Variants in BMP7 observed in about 807,000 individuals in gnomAD.
BMP7 encodes the protein osteogenic protein 1.
A neutral mutation model predicts 41.2 loss-of-function variants in BMP7; 12 were observed. The observed-to-expected ratio is 0.29, with a 90% CI of 0.19 to 0.47. The LOEUF (loss-of-function observed/expected upper bound fraction) is 0.47, where lower values mean the gene tolerates loss of function less well. BMP7 is among the 20% of genes least tolerant of loss of function. The pLI, the probability that BMP7 is intolerant of heterozygous loss-of-function variation, is 0.99. For synonymous variants in BMP7, 248 were observed against 250.0 expected (o/e 0.99, Z 0.07); for missense variants, 467 against 606.0 (o/e 0.77, Z 2.41).
rs1983812270 is a variant in BMP7, at chr20:57,171,361, C to A, written c.1147-253G>T. 6.6e-6 allele frequency among the ~76,000 whole-genome samples: 1 copy of A among 152,170 alleles called. No individual in the cohort carries two copies. The highest frequency in any genetic ancestry group is 6.5e-5 in the Admixed American group (1 of 15,276). On this transcript the variant is annotated intron_variant, in intron 6 of 6. Coordinates refer to ENST00000395863, the MANE Select transcript of BMP7 (RefSeq NM_001719.3). This position sits in a 1 kb window ranked among gnomAD's most constrained non-coding sequence, Gnocchi z 4.5. ...ACAGTGGGGAAGGAAGGGGCCAGATCCGACATTCAGGACCAGGTAATTCTC... is the reference window on the plus strand; with the variant it reads ...ACAGTGGGGAAGGAAGGGGCCAGATACGACATTCAGGACCAGGTAATTCTC...
intron 3 of BMP7, among the ~76,000 whole-genome samples, chr20:57,185,873 T>C (rs1390357589): frequency 2.7e-5 from 4 of 150,818 alleles, no homozygotes; most frequent in Admixed American, 2.0e-4. Context: ...CCCTAAGTAC[T>C]CAATAAATGC....
At chr20:57,186,339 TAGAG>T (rs1162267797) in intron 3 of BMP7, among the ~76,000 whole-genome samples, 7 of 151,968 alleles carry the variant, frequency 4.6e-5, no homozygotes, top group Non-Finnish European at 4.4e-5. Flanking sequence ...GGGAGGAAAA[TAGAG>T]GGAGCAAACT....
intron 1 of BMP7, among the ~76,000 whole-genome samples, chr20:57,251,046 TG>T (rs2066110848): frequency 6.6e-6 from 1 of 152,002 alleles, no homozygotes; most frequent in Non-Finnish European, 1.5e-5. Context: ...CCCACCACGG[TG>T]GGTAACAGAG....
At chr20:57,231,898 C>T (rs931644094) in intron 1 of BMP7, among the ~76,000 whole-genome samples, 3 of 152,192 alleles carry the variant, frequency 2.0e-5, no homozygotes, top group African/African-American at 7.2e-5. Context: ...CTGAAGAGCC[C>T]GGAAGTACAA....
At chr20:57,189,401 C>T (rs540260049) in intron 3 of BMP7, among the ~76,000 whole-genome samples, 1 of 152,300 alleles carries the variant, frequency 6.6e-6, no homozygotes, top group African/African-American at 2.4e-5. Flanking sequence ...AATGTGGGGC[C>T]TCTTGTTCAA....
chr20:57,226,419 A>T (rs751763600), intron 2 of BMP7, among the ~76,000 whole-genome samples: 17 of 152,226 alleles, frequency 1.1e-4, no homozygotes, highest in Non-Finnish European at 2.4e-4. Context: ...TTCTATCTCT[A>T]GAACTTTATC....
intron 3 of BMP7, among the ~76,000 whole-genome samples, chr20:57,198,511 G>A (rs1475788253): frequency 6.6e-6 from 1 of 152,214 alleles, no homozygotes; most frequent in Non-Finnish European, 1.5e-5. Context: ...CTGATGAGCT[G>A]CAGGTGCCTG....
intron 3 of BMP7, among the ~76,000 whole-genome samples, chr20:57,189,730 T>C (rs1157819375): frequency 6.6e-6 from 1 of 152,252 alleles, no homozygotes; most frequent in Non-Finnish European, 1.5e-5. Flanking sequence ...GTAGGTTCTG[T>C]GTCCCAGGCT....
rs1294029463 is a variant in BMP7 at position 57,215,109 on chromosome 20, C to T, written c.612-12486G>A. On this transcript the variant is annotated intron_variant, in intron 2 of 6. Coordinates refer to ENST00000395863, the MANE Select transcript of BMP7 (RefSeq NM_001719.3). This position sits in a 1 kb window ranked among gnomAD's most constrained non-coding sequence, Gnocchi z 4.2. Reference sequence around the variant, plus strand: ...CTCTATGTCCCACTGGGCACCCACACTCCCAGGCCATGGGCACCCAGCTGC... The same window carrying T: ...CTCTATGTCCCACTGGGCACCCACATTCCCAGGCCATGGGCACCCAGCTGC... Among the ~76,000 whole-genome samples, 1 of 152,268 alleles carries T rather than the reference C, an allele frequency of 6.6e-6. No homozygotes were observed. The highest frequency in any genetic ancestry group is 2.4e-5 in the African/African-American group (1 of 41,474).
intron 2 of BMP7, among the ~76,000 whole-genome samples, chr20:57,220,444 CA>C (rs1340774118): frequency 6.6e-6 from 1 of 152,212 alleles, no homozygotes; most frequent in Admixed American, 6.5e-5. Context: ...AAAGCAATTA[CA>C]GATCCTGATT....
intron 6 of BMP7, chr20:57,172,927 G>C (rs998620373): frequency 1.2e-5 from 7 of 603,406 alleles, no homozygotes; most frequent in Admixed American, 5.8e-5. Context: ...AATACTACAA[G>C]CATCCTCAAA....
At chr20:57,205,468 G>T (rs1984709369) in intron 2 of BMP7, among the ~76,000 whole-genome samples, 1 of 152,130 alleles carries the variant, frequency 6.6e-6, no homozygotes, top group African/African-American at 2.4e-5. Flanking sequence ...AGCTACCAAG[G>T]TTGTCAATGA....
chr20:57,197,799 A>T (rs1041610944), intron 3 of BMP7, among the ~76,000 whole-genome samples: 1 of 152,234 alleles, frequency 6.6e-6, no homozygotes, highest in Non-Finnish European at 1.5e-5. Flanking sequence ...CATGGAACAG[A>T]CAAAGGAACA....
At chr20:57,197,659 T>C (rs1984525381) in intron 3 of BMP7, among the ~76,000 whole-genome samples, 1 of 152,216 alleles carries the variant, frequency 6.6e-6, no homozygotes, top group Non-Finnish European at 1.5e-5. Flanking sequence ...TTGAGAGAAC[T>C]AAATAAATCA....
chr20:57,254,054 G>A (rs183190923), intron 1 of BMP7, among the ~76,000 whole-genome samples: 1 of 105,546 alleles, frequency 9.5e-6, no homozygotes, highest in East Asian at 3.1e-4. Context: ...AGACAGAGTT[G>A]CTCTGTCACC....
At chr20:57,199,087 G>T (rs1449956528) in intron 3 of BMP7, among the ~76,000 whole-genome samples, 1 of 152,164 alleles carries the variant, frequency 6.6e-6, no homozygotes, top group Non-Finnish European at 1.5e-5. Flanking sequence ...GATATCCTCT[G>T]AGTTAATATC....
intron 1 of BMP7, 78 bp downstream of exon 1, chr20:57,265,627 T>A (rs1209803516): frequency 2.6e-6 from 4 of 1,539,092 alleles, no homozygotes; most frequent in Non-Finnish European, 3.5e-6. Flanking sequence ...GCGGGCTGCA[T>A]AGAAGAAGCG....
In BMP7 at chr20:57,188,499, G is replaced by A. The variant is rs554556619; in HGVS notation, c.761-4580C>T. On this transcript the variant is annotated intron_variant, in intron 3 of 6. Coordinates refer to ENST00000395863, the MANE Select transcript of BMP7 (RefSeq NM_001719.3). ...GGATATTTCGGAGTGATACGGAAAC[G>A]TTCTAGAATCAGACAATGGGATGGC... Among the ~76,000 whole-genome samples, 60 of 148,750 alleles carry A rather than the reference G, an allele frequency of 4.0e-4. No individual in the cohort carries two copies. The South Asian group carries it at 5.3e-3, about 13-fold the overall frequency.
intron 1 of BMP7, among the ~76,000 whole-genome samples, chr20:57,260,434 C>T (rs1418694498): frequency 1.3e-5 from 2 of 152,156 alleles, no homozygotes; most frequent in South Asian, 2.1e-4. Flanking sequence ...CTCAACTCCA[C>T]GTTGATCTGG....
Sources: allele counts gnomAD v4.1 joint callset (sites outside exome capture counted in the v4.1 genomes callset), GRCh38; gene constraint gnomAD v4.1.1; non-coding constraint Gnocchi (gnomAD v3.1); transcripts MANE v1.5; gene names NCBI Gene and HGNC (gene_info 2026-07-23, HGNC 2026-07-21).